CXADR: variants seen among roughly 807,000 people sequenced by gnomAD.
CXADR encodes coxsackievirus and adenovirus receptor.
Under a neutral mutation model 40.3 loss-of-function variants are expected in CXADR, and 20 were observed. The observed-to-expected ratio is 0.50, with a 90% CI of 0.35 to 0.72. The LOEUF (loss-of-function observed/expected upper bound fraction) is 0.72, where lower values mean the gene tolerates loss of function less well. CXADR is among the 30% of genes least tolerant of loss of function. The probability of loss-of-function intolerance (pLI) is 0.01; values close to 1 mark genes in which losing one functional copy is unlikely to be tolerated. For missense variants in CXADR, 332 were observed against 449.1 expected (o/e 0.74, Z 2.36); for synonymous variants, 150 against 161.3 (o/e 0.93, Z 0.53).
chr21:17,520,738 A>G (rs978525712), intron 1 of CXADR, among the ~76,000 whole-genome samples: 4 of 152,198 alleles, frequency 2.6e-5, no homozygotes, highest in Admixed American at 6.5e-5. Context: ...TTCTGCTTTG[A>G]TCTGGAAAGC....
At chr21:17,518,825 T>G in intron 1 of CXADR, 2 of 1,564,212 alleles carry the variant, frequency 1.3e-6, no homozygotes, top group Non-Finnish European at 1.8e-6. Flanking sequence ...TTAATCATGT[T>G]CATCTCTTCA....
the CXADR span, chr21:17,612,912 C>T: frequency 6.6e-6 from 1 of 151,964 alleles, no homozygotes; most frequent in Non-Finnish European, 1.5e-5. Context: ...GAGCGCAGCC[C>T]CAAAGCGGCG....
At chr21:17,609,003 G>A in the CXADR span, 1 of 1,613,396 alleles carries the variant, frequency 6.2e-7, no homozygotes, top group Non-Finnish European at 8.5e-7. Context: ...GGTTTTTCTG[G>A]ATACCAGTGA....
At chr21:17,546,066 A>C (rs1242672173) in intron 1 of CXADR, among the ~76,000 whole-genome samples, 2 of 152,186 alleles carry the variant, frequency 1.3e-5, no homozygotes, top group Non-Finnish European at 2.9e-5. Context: ...GGCGTGAGCC[A>C]CCGTGCCTGG....
exon 8 of CXADR, chr21:17,593,431 GT>G (rs1208309904): frequency 3.3e-6 from 1 of 306,078 alleles, no homozygotes; most frequent in Non-Finnish European, 6.0e-6. Flanking sequence ...GTTAAAAGAT[GT>G]TTTATTATAT....
At chr21:17,532,186 A>C (rs911446379) in intron 1 of CXADR, among the ~76,000 whole-genome samples, 1 of 151,582 alleles carries the variant, frequency 6.6e-6, no homozygotes, top group Admixed American at 6.6e-5. Context: ...TCCTGCCCCA[A>C]CCTCCCAAAG....
chr21:17,588,215 G>A (rs1273283951), intron 7 of CXADR, among the ~76,000 whole-genome samples: 5 of 152,060 alleles, frequency 3.3e-5, no homozygotes, highest in African/African-American at 4.8e-5. Context: ...TTGGCAATGC[G>A]GGCTCTTTTT....
intron 7 of CXADR, among the ~76,000 whole-genome samples, chr21:17,586,810 C>T (rs2061400147): frequency 6.6e-6 from 1 of 151,994 alleles, no homozygotes; most frequent in South Asian, 2.1e-4. Context: ...CATATGTATA[C>T]ATGTGCCGTG....
At chr21:17,628,856 G>A in the CXADR span, among the ~76,000 whole-genome samples, 18 of 152,152 alleles carry the variant, frequency 1.2e-4, no homozygotes, top group African/African-American at 4.1e-4. Context: ...TCTCACTTGG[G>A]AGAGGGTCAG....
Position 17,566,991 on chromosome 21 carries a change from G to A in CXADR, c.*1299G>A, listed in dbSNP as rs1220103526. 19 of 976,248 alleles carry A rather than the reference G, an allele frequency of 1.9e-5. No individual in the cohort carries two copies. Among genetic ancestry groups the A allele is most frequent in the African/African-American group, 3.5e-5 (2 of 57,126 alleles). 60.5% of individuals were successfully genotyped at this position (976,248 alleles called of 1,614,324 possible). ...AAAGAAAAAAAGATAAGAAGGAGGA[G>A]TAAAGGGACTACTCCTCCTTGCCAA... On this transcript the variant is annotated 3_prime_UTR_variant, in exon 7 of 7. Coordinates refer to ENST00000284878, the MANE Select transcript of CXADR (RefSeq NM_001338.5).
At chr21:17,534,081 C>T (rs182101796) in intron 1 of CXADR, among the ~76,000 whole-genome samples, 637 of 48,344 alleles carry the variant, frequency 0.013, 24 homozygotes, top group African/African-American at 0.037. Context: ...CACACACACA[C>T]ATATATATAT....
chr21:17,551,270 C>T (rs927990474), intron 2 of CXADR, among the ~76,000 whole-genome samples: 2 of 151,978 alleles, frequency 1.3e-5, no homozygotes, highest in Non-Finnish European at 2.9e-5. Flanking sequence ...TGTGGTGGCA[C>T]GTGCCTGAAG....
intron 3 of CXADR, among the ~76,000 whole-genome samples, chr21:17,554,963 G>A (rs1249422385): frequency 6.6e-6 from 1 of 152,172 alleles, no homozygotes; most frequent in Non-Finnish European, 1.5e-5. Context: ...ATGATTGATA[G>A]TCGTCTGGAT....
intron 1 of CXADR, among the ~76,000 whole-genome samples, chr21:17,544,276 A>G (rs2060866334): frequency 1.3e-5 from 2 of 152,228 alleles, no homozygotes; most frequent in South Asian, 4.1e-4. Context: ...TAGGAGAAAC[A>G]CTTGAGATTA....
the CXADR span, among the ~76,000 whole-genome samples, chr21:17,607,548 T>C: frequency 2.6e-4 from 39 of 152,336 alleles, no homozygotes; most frequent in South Asian, 1.4e-3. Flanking sequence ...TTCTTGTCAA[T>C]AGAACACAAG....
Position 17,569,646 on chromosome 21 carries a change from A to G in CXADR, c.*3954A>G. The G allele has an allele frequency of 1.0e-6, 1 of 980,400 alleles. No individual in the cohort carries two copies. The allele number at this position is 980,400 out of a possible 1,614,324, so 60.7% of individuals were successfully genotyped here. A position where few individuals can be genotyped will look rare whatever the true frequency, so the allele number is the denominator to read the frequency against. The stretch of plus-strand genomic sequence containing the variant: ...TATCTTTAGGGAAGGCTGATCATTT[A>G]TCTTATAGCAGATAACCCCAGCCTC... On this transcript the variant is annotated 3_prime_UTR_variant, in exon 7 of 7. Transcript: ENST00000284878.
chr21:17,553,713 C>T (rs2060999678), intron 3 of CXADR, among the ~76,000 whole-genome samples: 1 of 151,398 alleles, frequency 6.6e-6, no homozygotes, highest in Admixed American at 6.6e-5. Context: ...CCTCCGCCTC[C>T]TGGGTTCAAG....
At chr21:17,589,204 A>G (rs913944269) in intron 7 of CXADR, among the ~76,000 whole-genome samples, 4 of 152,112 alleles carry the variant, frequency 2.6e-5, no homozygotes, top group East Asian at 1.9e-4. Context: ...CTACCCCATT[A>G]TAAGTATTTA....
chr21:17,543,091 A>T (rs1461308984), intron 1 of CXADR: 2 of 338,792 alleles, frequency 5.9e-6, no homozygotes, highest in East Asian at 1.8e-4. Context: ...AAAACAAAAA[A>T]ATCTAAAAGT....
Sources: gnomAD v4.1 joint callset for allele counts (sites outside exome capture counted in the v4.1 genomes callset) on GRCh38, gnomAD v4.1.1 for gene constraint, MANE v1.5 for transcripts, NCBI Gene and HGNC (gene_info 2026-07-23, HGNC 2026-07-21) for gene names.